IMMT: variants seen among roughly 807,000 people sequenced by gnomAD.
IMMT encodes inner membrane mitochondrial protein, also known as MICOS complex subunit MIC60.
IMMT carries 40 observed loss-of-function variants against 92.7 expected under a neutral mutation model. The ratio of observed to expected loss-of-function variants is 0.43; its 90% CI spans 0.34 to 0.56. The LOEUF is 0.56. Among genes scored for constraint, IMMT ranks in the 20% least tolerant of loss-of-function variants. The pLI is 0.03. For missense variants in IMMT, 831 were observed against 912.1 expected, an observed-to-expected ratio of 0.91 and a Z score of 1.14; for synonymous variants, 322 against 336.1, an observed-to-expected ratio of 0.96 and a Z score of 0.46.
intron 10 of IMMT, among the ~76,000 whole-genome samples, chr2:86,157,896 T>C (rs1675977159): frequency 6.6e-6 from 1 of 151,600 alleles, no homozygotes; most frequent in Non-Finnish European, 1.5e-5. Flanking sequence ...GAGGATCGCT[T>C]CAACCCGGGA....
At chr2:86,169,067 T>C (rs1158387351) in intron 6 of IMMT, among the ~76,000 whole-genome samples, 4 of 152,240 alleles carry the variant, frequency 2.6e-5, no homozygotes, top group Non-Finnish European at 5.9e-5. Flanking sequence ...CAAATGCATA[T>C]GTGTATATTT....
At chr2:86,181,430 G>A in intron 1 of IMMT, 58 bp from the exon 2 acceptor site, 1 of 1,210,234 alleles carries the variant, frequency 8.3e-7, no homozygotes, top group Non-Finnish European at 1.2e-6. Context: ...TAAGCTTTTA[G>A]GGTTGGTAAT....
chr2:86,173,253 C>T (rs913976126), intron 4 of IMMT, among the ~76,000 whole-genome samples: 10 of 152,206 alleles, frequency 6.6e-5, no homozygotes, highest in African/African-American at 2.2e-4. Flanking sequence ...TAGAGCAAGA[C>T]ACTTTCATCA....
intron 7 of IMMT, among the ~76,000 whole-genome samples, chr2:86,163,874 G>A (rs1424228439): frequency 2.1e-4 from 30 of 144,900 alleles, no homozygotes; most frequent in African/African-American, 6.6e-4. Flanking sequence ...TAGGAGAATC[G>A]CTGGAACCTG....
intron 6 of IMMT, among the ~76,000 whole-genome samples, chr2:86,167,494 T>G (rs1676793671): frequency 7.8e-6 from 1 of 127,868 alleles, no homozygotes; most frequent in Non-Finnish European, 1.6e-5. Context: ...GTTTTTTTTT[T>G]TTTTTTTGGA....
Position 86,159,587 on chromosome 2 carries a change from TG to T in IMMT, c.980del (p.Ala327GlufsTer8). The T allele has an allele frequency of 6.2e-7, 1 of 1,606,348 alleles. No homozygotes were observed. The highest frequency in any genetic ancestry group is 8.5e-7 in the Non-Finnish European group (1 of 1,176,776). The part of the protein sequence containing the change: ...VAGAKPHITA[A>X]EGKLHNMIVD... ...CTATCATGTTGTGAAGTTTACCCTC[TG>T]CAGCAGTTATATGAGGCTTGGCCCC... is the stretch of plus-strand genomic sequence containing the variant. On this transcript the variant is annotated frameshift_variant, in exon 9 of 15. Coordinates refer to ENST00000410111, the MANE Select transcript of IMMT (RefSeq NM_006839.3). LOFTEE classifies it high-confidence loss of function.
In IMMT at chr2:86,195,328, C is replaced by G; in HGVS notation, c.45+10G>C. 2 of 1,545,146 alleles carry G rather than the reference C, an allele frequency of 1.3e-6. No homozygotes were observed. Among genetic ancestry groups the G allele is most frequent in the Non-Finnish European group, 1.7e-6 (2 of 1,144,042 alleles). Reference sequence around the variant, plus strand: ...CCTCCTCACGCGCCTCCGGGAGCCCCAGTGCTCACCTGGGCGGCGGCGGTC... The same window carrying G: ...CCTCCTCACGCGCCTCCGGGAGCCCGAGTGCTCACCTGGGCGGCGGCGGTC... On this transcript the variant is annotated intron_variant, in intron 1 of 14. Transcript: ENST00000410111.
chr2:86,175,070 A>G (rs1167742476), intron 3 of IMMT, among the ~76,000 whole-genome samples: 1 of 152,100 alleles, frequency 6.6e-6, no homozygotes, highest in African/African-American at 2.4e-5. Context: ...CTCATAATTA[A>G]AGTTTGTGTG....
intron 8 of IMMT, chr2:86,159,930 G>T: frequency 3.7e-6 from 1 of 273,018 alleles, no homozygotes; most frequent in Non-Finnish European, 6.7e-6. Flanking sequence ...TGAAAGAAAT[G>T]TAATTGCTTT....
At chr2:86,159,446 G>A (rs1322155791) in intron 9 of IMMT, 90 bp downstream of exon 9, 2 of 1,052,242 alleles carry the variant, frequency 1.9e-6, no homozygotes, top group Admixed American at 2.0e-5. Context: ...ACGGGGAGAT[G>A]GTAGGAATTT....
chr2:86,170,608 A>C (rs1188100928), intron 6 of IMMT, 141 bp downstream of exon 6: 1 of 599,162 alleles, frequency 1.7e-6, no homozygotes, highest in East Asian at 2.8e-5. Context: ...GGTGATGAAT[A>C]AAGCAATGCC....
chr2:86,163,590 T>C (rs1304400030), intron 7 of IMMT, among the ~76,000 whole-genome samples: 1 of 152,200 alleles, frequency 6.6e-6, no homozygotes, highest in Non-Finnish European at 1.5e-5. Flanking sequence ...TCAAGTTCAA[T>C]GAGCCCCTGA....
chr2:86,178,757 A>G (rs1677623001), intron 3 of IMMT, among the ~76,000 whole-genome samples: 1 of 152,170 alleles, frequency 6.6e-6, no homozygotes, highest in African/African-American at 2.4e-5. Context: ...GAAAAAGTAT[A>G]TTTTTTAAAA....
At chr2:86,173,998 T>C (rs1227676360) in intron 3 of IMMT, among the ~76,000 whole-genome samples, 1 of 152,234 alleles carries the variant, frequency 6.6e-6, no homozygotes, top group Non-Finnish European at 1.5e-5. Context: ...CAAAGGTTTC[T>C]ATTAGGGTGA....
chr2:86,184,462 T>TTAA (rs1411283576), intron 1 of IMMT, among the ~76,000 whole-genome samples: 1 of 152,120 alleles, frequency 6.6e-6, no homozygotes, highest in Non-Finnish European at 1.5e-5. Flanking sequence ...TTTATTTACA[T>TTAA]AATTTATATA....
At chr2:86,145,394 C>T (rs1674917680) in intron 14 of IMMT, among the ~76,000 whole-genome samples, 1 of 148,940 alleles carries the variant, frequency 6.7e-6, no homozygotes, top group Non-Finnish European at 1.5e-5. Context: ...ACTCAGGAGT[C>T]TGAGGCAGGA....
chr2:86,182,282 C>CT (rs1317315399), intron 1 of IMMT, among the ~76,000 whole-genome samples: 2 of 152,086 alleles, frequency 1.3e-5, no homozygotes, highest in Admixed American at 6.6e-5. Context: ...AGGAAAAATG[C>CT]TTTTTCTAGG....
intron 11 of IMMT, among the ~76,000 whole-genome samples, chr2:86,152,455 AAAAG>A (rs1206517278): frequency 6.6e-6 from 1 of 150,812 alleles, no homozygotes; most frequent in East Asian, 1.9e-4. Flanking sequence ...AAAAAAAAAA[AAAAG>A]AGAGAATTAT....
Position 86,144,150 on chromosome 2 carries a change from A to T in IMMT, c.*118T>A. ...TGCAACAGGTGTTAACATTTAGAACAGTACTTGTAAACCTGCTCATTTCTA... is the reference window on the plus strand; with the variant it reads ...TGCAACAGGTGTTAACATTTAGAACTGTACTTGTAAACCTGCTCATTTCTA... On this transcript the variant is annotated 3_prime_UTR_variant, in exon 15 of 15. Transcript: ENST00000410111. The T allele has an allele frequency of 9.3e-7, 1 of 1,074,736 alleles. No individual in the cohort carries two copies. The highest frequency in any genetic ancestry group is 1.3e-6 in the Non-Finnish European group (1 of 751,122). 66.6% of individuals were successfully genotyped at this position (1,074,736 alleles called of 1,614,324 possible). A position where few individuals can be genotyped will look rare whatever the true frequency, so the allele number is the denominator to read the frequency against.
Sources: gnomAD v4.1 joint callset for allele counts (sites outside exome capture counted in the v4.1 genomes callset) on GRCh38, gnomAD v4.1.1 for gene constraint, MANE v1.5 for transcripts, NCBI Gene and HGNC (gene_info 2026-07-23, HGNC 2026-07-21) for gene names.